The following CATSPERD variants were observed in gnomAD, a reference collection of about 807,000 sequenced individuals.
The protein encoded by CATSPERD is cation channel sperm-associated auxiliary subunit delta.
A neutral mutation model predicts 98.1 loss-of-function variants in CATSPERD; 86 were observed. The ratio of observed to expected loss-of-function variants is 0.88; its 90% CI spans 0.74 to 1.05. CATSPERD has a LOEUF of 1.05. Among genes scored for constraint, CATSPERD ranks in the 50% least tolerant of loss-of-function variants. The pLI is 0.00. For synonymous variants in CATSPERD, 394 were observed against 390.2 expected (o/e 1.01, Z -0.12); for missense variants, 995 against 1,005.7 (o/e 0.99, Z 0.14).
At chr19:5,767,938 A>T (rs2056573440) in intron 17 of CATSPERD, among the ~76,000 whole-genome samples, 1 of 152,020 alleles carries the variant, frequency 6.6e-6, no homozygotes, top group Non-Finnish European at 1.5e-5. Flanking sequence ...CTGCGATTAG[A>T]GGCGCGTGAT....
intron 16 of CATSPERD, among the ~76,000 whole-genome samples, 190 bp downstream of exon 16, chr19:5,763,483 T>C (rs2056481348): frequency 6.6e-6 from 1 of 152,146 alleles, no homozygotes; most frequent in African/African-American, 2.4e-5. Context: ...TAAAAAAATT[T>C]ATGGATGCAT....
chr19:5,754,002 G>A, intron 12 of CATSPERD, 130 bp from the exon 13 acceptor site: 1 of 687,936 alleles, frequency 1.5e-6, no homozygotes, highest in African/African-American at 1.8e-5. Flanking sequence ...GAGTCTAGTG[G>A]GGAAGACAGA....
At chr19:5,731,315 A>G (rs1044867295) in intron 4 of CATSPERD, among the ~76,000 whole-genome samples, 3 of 145,662 alleles carry the variant, frequency 2.1e-5, no homozygotes, top group Non-Finnish European at 4.6e-5. Flanking sequence ...CTCCAACTCT[A>G]TATGAAATTA....
chr19:5,750,025 A>G (rs559707842), intron 11 of CATSPERD, among the ~76,000 whole-genome samples: 13 of 151,520 alleles, frequency 8.6e-5, no homozygotes, highest in Admixed American at 7.9e-4. Flanking sequence ...GCTGGTCTTC[A>G]ACTCCTGACC....
intron 17 of CATSPERD, among the ~76,000 whole-genome samples, chr19:5,767,368 A>G (rs2056560125): frequency 6.7e-6 from 1 of 148,998 alleles, no homozygotes; most frequent in South Asian, 2.1e-4. Context: ...GGCAAAGTGC[A>G]GAGCCATTTC....
At chr19:5,764,919 T>C (rs893870700) in intron 16 of CATSPERD, among the ~76,000 whole-genome samples, 1 of 151,964 alleles carries the variant, frequency 6.6e-6, no homozygotes, top group African/African-American at 2.4e-5. Flanking sequence ...CTGGCTGTTT[T>C]TTATTTGTAG....
chr19:5,728,844 G>A (rs2055660768), intron 3 of CATSPERD, among the ~76,000 whole-genome samples: 1 of 151,764 alleles, frequency 6.6e-6, no homozygotes, highest in South Asian at 2.1e-4. Context: ...GACTACAGGT[G>A]TGCACCACCA....
At chr19:5,742,051 GAACA>G (rs1257090909) in intron 7 of CATSPERD, among the ~76,000 whole-genome samples, 2 of 150,118 alleles carry the variant, frequency 1.3e-5, no homozygotes, top group Non-Finnish European at 3.0e-5. Flanking sequence ...AAAAAAAAAA[GAACA>G]AACAAAAAAA....
intron 12 of CATSPERD, chr19:5,753,756 C>CAA (rs1279279402): frequency 4.0e-6 from 1 of 247,318 alleles, no homozygotes; most frequent in Non-Finnish European, 8.2e-6. Flanking sequence ...GCCTGTAGTC[C>CAA]TGGCTACTTG....
chr19:5,720,852 C>T, intron 1 of CATSPERD, 44 bp downstream of exon 1: 1 of 1,528,956 alleles, frequency 6.5e-7, no homozygotes, highest in Non-Finnish European at 8.9e-7. Context: ...TGCCGGGGGT[C>T]GGGAGGGTGC....
chr19:5,747,766 C>T (rs1382260616), intron 9 of CATSPERD, among the ~76,000 whole-genome samples: 3 of 151,902 alleles, frequency 2.0e-5, no homozygotes, highest in African/African-American at 4.8e-5. Flanking sequence ...TGCGTGCAAC[C>T]ATGCTCAGTT....
Position 5,750,969 on chromosome 19 carries a change from CT to C in CATSPERD, c.988-674del, listed in dbSNP as rs566272812. Among the ~76,000 whole-genome samples the C allele has an allele frequency of 8.4e-3, 1,273 of 151,126 alleles. 12 individuals are homozygous for C. Among genetic ancestry groups the C allele is most frequent in the African/African-American group, 0.03 (1,225 of 41,172 alleles). Reference sequence around the variant, plus strand: ...GTGGCTCATGCCTGTAATCCCAGCACTTTTGGGAGGCCGAGGCAGGTGGATC... The same window carrying C: ...GTGGCTCATGCCTGTAATCCCAGCACTTTGGGAGGCCGAGGCAGGTGGATC... On this transcript the variant is annotated intron_variant, in intron 11 of 21. Coordinates refer to ENST00000381624, the MANE Select transcript of CATSPERD (RefSeq NM_152784.4).
At position 5,775,516 on chromosome 19, in the gene CATSPERD, G is replaced by C. The variant is rs182542052; in HGVS notation, c.1942-645G>C. On this transcript the variant is annotated intron_variant, in intron 20 of 21. Coordinates refer to ENST00000381624, the MANE Select transcript of CATSPERD (RefSeq NM_152784.4). ...AAAAAAAAATTTGCTGGCCACGGTG[G>C]CGGGCACCTGTAGTCCCAGCTACTC... Among the ~76,000 whole-genome samples, 31 of 151,340 alleles carry C rather than the reference G, an allele frequency of 2.0e-4. No individual in the cohort carries two copies. In the East Asian group the frequency reaches 5.8e-3, roughly 28 times the overall value.
rs143559496 is a variant in CATSPERD, at chr19:5,733,307, T to TTTTCTTTCTTTCTTTCTTTCTTTC, written c.277-544_277-521dup. ...CTGCGCCTGGTCTCTTTCTTTTTCT[T>TTTTCTTTCTTTCTTTCTTTCTTTC]TTTCTTTCTTTCTTTCTTTCTTTCT... is the stretch of plus-strand genomic sequence containing the variant. On this transcript the variant is annotated intron_variant, in intron 4 of 21. Transcript: ENST00000381624. Among the ~76,000 whole-genome samples the TTTTCTTTCTTTCTTTCTTTCTTTC allele has an allele frequency of 2.8e-3, 416 of 146,896 alleles. 10 individuals carry two copies. The highest frequency in any genetic ancestry group is 0.01 in the African/African-American group (393 of 38,364).
chr19:5,744,218 G>C (rs1599542304), intron 7 of CATSPERD, among the ~76,000 whole-genome samples: 1 of 152,112 alleles, frequency 6.6e-6, no homozygotes, highest in Non-Finnish European at 1.5e-5. Flanking sequence ...GACCTCAGGT[G>C]ATCCACCCGC....
intron 2 of CATSPERD, among the ~76,000 whole-genome samples, chr19:5,725,382 C>T (rs994741267): frequency 1.3e-5 from 2 of 152,128 alleles, no homozygotes; most frequent in African/African-American, 4.8e-5. Flanking sequence ...AGCTCCTGGA[C>T]TTAAGTAACC....
intron 19 of CATSPERD, 78 bp from the exon 20 acceptor site, chr19:5,772,710 C>CG: frequency 6.8e-7 from 1 of 1,479,140 alleles, no homozygotes; most frequent in Non-Finnish European, 9.2e-7. Flanking sequence ...GTTTTGCAGC[C>CG]GTCCAGGTGG....
Position 5,741,798 on chromosome 19 carries a change from GTGGT to G in CATSPERD, c.573+2360_573+2363del, listed in dbSNP as rs1301295241. Among the ~76,000 whole-genome samples the G allele has an allele frequency of 3.5e-3, 288 of 82,664 alleles. 49 individuals are homozygous for G. The highest frequency in any genetic ancestry group is 0.01 in the African/African-American group (257 of 24,956). 54.2% of individuals were successfully genotyped at this position (82,664 alleles called of 152,430 possible). ...GGATGCTGAAGGCGGGGGGGGGGGG[GTGGT>G]GTGGATCACTTGAGGTCAGGAGTTC... On this transcript the variant is annotated intron_variant, in intron 7 of 21. Transcript: ENST00000381624.
In CATSPERD at chr19:5,734,086, A is replaced by G. The variant is rs540721857; in HGVS notation, c.391+116A>G. 6 of 635,366 alleles carry G rather than the reference A, an allele frequency of 9.4e-6. No homozygotes were observed. In the East Asian group the frequency reaches 1.8e-4, roughly 19 times the overall value. 39.4% of individuals were successfully genotyped at this position (635,366 alleles called of 1,614,324 possible). ...ACTTGGATGTCAACCCCAGGACATTACTTTGTCCTTTCCAACCAAAATGAA... is the reference window on the plus strand; with the variant it reads ...ACTTGGATGTCAACCCCAGGACATTGCTTTGTCCTTTCCAACCAAAATGAA... On this transcript the variant is annotated intron_variant, in intron 5 of 21. Transcript: ENST00000381624.
Sources: allele counts gnomAD v4.1 joint callset (sites outside exome capture counted in the v4.1 genomes callset), GRCh38; gene constraint gnomAD v4.1.1; transcripts MANE v1.5; gene names NCBI Gene and HGNC (gene_info 2026-07-23, HGNC 2026-07-21).